HTR4: variants seen among roughly 807,000 people sequenced by gnomAD.
The protein encoded by HTR4 is 5-hydroxytryptamine receptor 4.
Under a neutral mutation model 36.8 loss-of-function variants are expected in HTR4, and 16 were observed. The ratio of observed to expected loss-of-function variants is 0.43; its 90% CI spans 0.29 to 0.66. HTR4 has a LOEUF of 0.66. Among genes scored for constraint, HTR4 ranks in the 30% least tolerant of loss-of-function variants. HTR4 has a pLI of 0.13. For missense variants in HTR4, 438 were observed against 490.9 expected, an observed-to-expected ratio of 0.89 and a Z score of 1.02; for synonymous variants, 189 against 185.1, an observed-to-expected ratio of 1.02 and a Z score of -0.17.
At chr5:148,578,328 T>C (rs1019704848) in intron 2 of HTR4, among the ~76,000 whole-genome samples, 25 of 152,046 alleles carry the variant, frequency 1.6e-4, no homozygotes, top group African/African-American at 5.8e-4. Context: ...AAAATTCAAA[T>C]ATTTCAGTAA....
intron 5 of HTR4, among the ~76,000 whole-genome samples, chr5:148,510,796 C>T (rs893047992): frequency 6.6e-6 from 1 of 152,054 alleles, no homozygotes. Context: ...TTAGATAACA[C>T]AGAGTAACAC....
intron 5 of HTR4, among the ~76,000 whole-genome samples, chr5:148,452,650 T>G (rs73266432): frequency 6.6e-6 from 1 of 152,114 alleles, no homozygotes; most frequent in African/African-American, 2.4e-5. Context: ...AGGTGTTGAT[T>G]GAAGAACAGG....
chr5:148,647,825 G>A (rs887586475), intron 1 of HTR4, among the ~76,000 whole-genome samples: 63 of 152,150 alleles, frequency 4.1e-4, no homozygotes, highest in African/African-American at 4.6e-4. Flanking sequence ...CTCCAGCCTC[G>A]CTGACAGAGC....
chr5:148,458,211 C>T (rs560684662), intron 5 of HTR4, among the ~76,000 whole-genome samples: 41 of 148,452 alleles, frequency 2.8e-4, no homozygotes, highest in Admixed American at 8.1e-4. Flanking sequence ...ATATAAAGTG[C>T]CTTGGTTTAA....
intron 2 of HTR4, among the ~76,000 whole-genome samples, chr5:148,587,823 C>T (rs1233911115): frequency 1.3e-5 from 2 of 152,082 alleles, no homozygotes; most frequent in Admixed American, 1.3e-4. Context: ...TGCTGTGGCC[C>T]CATCCTCCCA....
rs138140426 is a variant in HTR4, at chr5:148,498,013, T to C, written c.1076+11443A>G. ...AAGACACTTCTTGTCCAACAGAAAA[T>C]AGTCAAACACAATTGCAGACATCTC... On this transcript the variant is annotated intron_variant, in intron 6 of 6. Transcript: ENST00000377888. Among the ~76,000 whole-genome samples, 344 of 152,306 alleles carry C rather than the reference T, an allele frequency of 2.3e-3. 10 individuals carry two copies. The East Asian group carries it at 0.036, about 16-fold the overall frequency.
chr5:148,527,358 C>T (rs1461730415), intron 4 of HTR4, among the ~76,000 whole-genome samples: 2 of 152,102 alleles, frequency 1.3e-5, no homozygotes, highest in Non-Finnish European at 2.9e-5. Context: ...TATTGGTGCT[C>T]ATAACATTTT....
intron 2 of HTR4, among the ~76,000 whole-genome samples, chr5:148,609,999 T>C (rs1231164682): frequency 1.3e-5 from 2 of 152,164 alleles, no homozygotes; most frequent in Non-Finnish European, 2.9e-5. Flanking sequence ...ATCCCAGAAG[T>C]TGCAGAACTT....
intron 2 of HTR4, among the ~76,000 whole-genome samples, chr5:148,572,994 A>T (rs1295573958): frequency 6.6e-6 from 1 of 152,104 alleles, no homozygotes; most frequent in South Asian, 2.1e-4. Flanking sequence ...GTTTAGAATT[A>T]TTCCCTGTGG....
chr5:148,606,791 T>C (rs1752182676), intron 2 of HTR4, among the ~76,000 whole-genome samples: 1 of 152,240 alleles, frequency 6.6e-6, no homozygotes, highest in Non-Finnish European at 1.5e-5. Context: ...TTCTTTGATA[T>C]ATAAAATAGG....
chr5:148,543,670 C>T (rs1759230725), intron 4 of HTR4, among the ~76,000 whole-genome samples: 1 of 152,108 alleles, frequency 6.6e-6, no homozygotes, highest in South Asian at 2.1e-4. Context: ...TTATGTTCTA[C>T]TTGTGAACTG....
At chr5:148,577,620 T>C (rs1257046581) in intron 2 of HTR4, among the ~76,000 whole-genome samples, 1 of 152,152 alleles carries the variant, frequency 6.6e-6, no homozygotes, top group Non-Finnish European at 1.5e-5. Context: ...ATATACACCA[T>C]AGAATACTAT....
intron 2 of HTR4, chr5:148,628,936 A>G (rs1341071545): frequency 1.3e-5 from 2 of 152,128 alleles, no homozygotes; most frequent in African/African-American, 4.8e-5. Flanking sequence ...CTGTAATCCT[A>G]TTAGGTACAG....
chr5:148,651,548 G>A (rs1754035444), intron 1 of HTR4, among the ~76,000 whole-genome samples: 1 of 152,010 alleles, frequency 6.6e-6, no homozygotes, highest in African/African-American at 2.4e-5. Context: ...AGTAGGGGTT[G>A]CTGCTGGCAT....
At chr5:148,652,833 C>T (rs1298189325) in intron 1 of HTR4, among the ~76,000 whole-genome samples, 1 of 152,102 alleles carries the variant, frequency 6.6e-6, no homozygotes, top group Non-Finnish European at 1.5e-5. Context: ...GGAAAATAAA[C>T]ATGATTAAGA....
At chr5:148,617,529 C>T (rs919582340) in intron 2 of HTR4, among the ~76,000 whole-genome samples, 19 of 151,498 alleles carry the variant, frequency 1.3e-4, no homozygotes, top group South Asian at 6.3e-4. Flanking sequence ...AATGCAGTGG[C>T]GCGATCCTGG....
chr5:148,609,935 A>G (rs1403496414), intron 2 of HTR4, among the ~76,000 whole-genome samples: 39 of 138,700 alleles, frequency 2.8e-4, no homozygotes, highest in Non-Finnish European at 3.3e-5. Flanking sequence ...TAATCTTAGA[A>G]ACTTTTGAGT....
At chr5:148,619,245 A>G (rs1199857287) in intron 2 of HTR4, among the ~76,000 whole-genome samples, 2 of 152,166 alleles carry the variant, frequency 1.3e-5, no homozygotes, top group African/African-American at 2.4e-5. Flanking sequence ...TGTAAACACT[A>G]GGATTGGGCC....
intron 2 of HTR4, among the ~76,000 whole-genome samples, chr5:148,553,727 C>T (rs747480635): frequency 2.0e-5 from 3 of 152,160 alleles, no homozygotes; most frequent in Non-Finnish European, 2.9e-5. Flanking sequence ...TAAAAAATAA[C>T]AAGTGTTGGT....
Sources: gnomAD v4.1 joint callset for allele counts (sites outside exome capture counted in the v4.1 genomes callset) on GRCh38, gnomAD v4.1.1 for gene constraint, MANE v1.5 for transcripts, NCBI Gene and HGNC (gene_info 2026-07-23, HGNC 2026-07-21) for gene names.